The following SH2D5 variants were observed in gnomAD, a reference collection of about 807,000 sequenced individuals.
The protein encoded by SH2D5 is SH2 domain-containing protein 5.
SH2D5 carries 45 observed loss-of-function variants against 48.2 expected under a neutral mutation model. The observed-to-expected ratio is 0.93, with a 90% CI of 0.73 to 1.20. SH2D5 has a LOEUF of 1.20. Among genes scored for constraint, SH2D5 ranks in the 50% most tolerant of loss-of-function variants. SH2D5 has a pLI of 0.00. For synonymous variants in SH2D5, 230 were observed against 249.8 expected, an observed-to-expected ratio of 0.92 and a Z score of 0.75; for missense variants, 538 against 584.1, an observed-to-expected ratio of 0.92 and a Z score of 0.81.
rs757469465 is a variant in SH2D5, at chr1:20,726,072, G to A, written c.244-6C>T. The A allele has an allele frequency of 5.9e-5, 94 of 1,591,092 alleles. No individual in the cohort carries two copies. The Admixed American group carries it at 9.0e-4, about 15-fold the overall frequency. ...GCATGAGCCATCAGCAGCACCTGGC[G>A]AGGCAGCAGTGTGAGGCCCCCATCA... On this transcript the variant is annotated splice_region_variant and splice_polypyrimidine_tract_variant and intron_variant, in intron 4 of 9. Transcript: ENST00000444387.
At chr1:20,726,368 C>A (rs913527945) in intron 4 of SH2D5, among the ~76,000 whole-genome samples, 24 of 152,260 alleles carry the variant, frequency 1.6e-4, no homozygotes, top group Admixed American at 1.6e-3. Context: ...CAGGTGAGGG[C>A]AGTCCTCTGA....
chr1:20,723,995 G>A (rs946889436), intron 7 of SH2D5, 88 bp downstream of exon 7: 31 of 1,507,346 alleles, frequency 2.1e-5, no homozygotes, highest in African/African-American at 4.1e-5. Flanking sequence ...TTGCAGGAAC[G>A]GGCACTCACG....
In SH2D5 at chr1:20,729,633, G is replaced by C. The variant is rs2154538703; in HGVS notation, c.-42-1547C>G. Among the ~76,000 whole-genome samples the C allele has an allele frequency of 6.6e-6, 1 of 152,262 alleles. No individual in the cohort carries two copies. Among genetic ancestry groups the C allele is most frequent in the East Asian group, 1.9e-4 (1 of 5,184 alleles). On this transcript the variant is annotated intron_variant, in intron 1 of 9. Transcript: ENST00000444387. This position sits in a 1 kb window ranked among gnomAD's most constrained non-coding sequence, Gnocchi z 4.2. ...CACCGACAGGCGCCCACAGAGAGCA[G>C]GTATCCAACAGAGCCCTGGGCAGCA...
chr1:20,728,047 C>A lies in SH2D5; in HGVS notation c.-3G>T. ...CCCCCAGCCCCCGCCTTCTGCATGG[C>A]CCCCAGGGTGCCTGGCTTCCAGCTC... On this transcript the variant is annotated 5_prime_UTR_variant, in exon 2 of 10. Coordinates refer to ENST00000444387, the MANE Select transcript of SH2D5 (RefSeq NM_001103161.2). This position sits in a 1 kb window ranked among gnomAD's most constrained non-coding sequence, Gnocchi z 4.3. 6 of 1,537,938 alleles carry A rather than the reference C, an allele frequency of 3.9e-6. No individual in the cohort carries two copies. Among genetic ancestry groups the A allele is most frequent in the Non-Finnish European group, 5.3e-6 (6 of 1,140,064 alleles).
intron 7 of SH2D5, 150 bp downstream of exon 7, chr1:20,723,933 G>A: frequency 1.8e-6 from 2 of 1,107,038 alleles, no homozygotes; most frequent in Non-Finnish European, 2.6e-6. Flanking sequence ...AGACACGGAT[G>A]CAGGCAAACA....
At position 20,729,418 on chromosome 1, in the gene SH2D5, G is replaced by A. The variant is rs1364408573; in HGVS notation, c.-42-1332C>T. The stretch of plus-strand genomic sequence containing the variant: ...TTTGGACCAGCTGCCTCAACCCTCT[G>A]AGCCTCCCCTTCCTCATCTGCAAAC... On this transcript the variant is annotated intron_variant, in intron 1 of 9. Transcript: ENST00000444387. This position sits in a 1 kb window ranked among gnomAD's most constrained non-coding sequence, Gnocchi z 4.2. Among the ~76,000 whole-genome samples, 2 of 152,132 alleles carry A rather than the reference G, an allele frequency of 1.3e-5. No individual in the cohort carries two copies. Among genetic ancestry groups the A allele is most frequent in the Non-Finnish European group, 2.9e-5 (2 of 68,030 alleles).
intron 7 of SH2D5, 107 bp from the exon 8 acceptor site, chr1:20,723,841 C>G: frequency 9.5e-7 from 1 of 1,053,118 alleles, no homozygotes; most frequent in Non-Finnish European, 1.4e-6. Context: ...CCTCTCTACC[C>G]TGCTCAGCAG....
At chr1:20,723,234 C>G (rs2054724158) in intron 8 of SH2D5, among the ~76,000 whole-genome samples, 1 of 152,228 alleles carries the variant, frequency 6.6e-6, no homozygotes, top group Non-Finnish European at 1.5e-5. Flanking sequence ...TGGGGTCTGA[C>G]TCAGAGTCTG....
intron 4 of SH2D5, among the ~76,000 whole-genome samples, 189 bp downstream of exon 4, chr1:20,726,812 A>T (rs2054810039): frequency 2.0e-5 from 3 of 151,986 alleles, no homozygotes. Flanking sequence ...GGCCTGAGCC[A>T]GCCCTGGGAG....
At position 20,721,985 on chromosome 1, in the gene SH2D5, G is replaced by A. The variant is rs769830510; in HGVS notation, c.1079C>T (p.Ala360Val). ...CAGAGCCTCCAGGCTGGGGAACTCTGCCGGCAGGTGCTAGGGGAGGAAGGG... is the reference window on the plus strand; with the variant it reads ...CAGAGCCTCCAGGCTGGGGAACTCTACCGGCAGGTGCTAGGGGAGGAAGGG... Reference protein sequence around the residue: ...LGRYCLEHLPAEFPSLEALVE... With the variant: ...LGRYCLEHLPVEFPSLEALVE... The change falls in exon 10 of 10, where the codon GCA becomes GTA. Residue 360 changes from alanine (A) to valine (V), a missense_variant. Coordinates refer to ENST00000444387, the MANE Select transcript of SH2D5 (RefSeq NM_001103161.2). 17 of 1,612,542 alleles carry A rather than the reference G, an allele frequency of 1.1e-5. No individual in the cohort carries two copies. The highest frequency in any genetic ancestry group is 1.4e-5 in the Non-Finnish European group (17 of 1,179,816).
rs890908297 is a variant in SH2D5, at chr1:20,729,270, C to T, written c.-42-1184G>A. 6.6e-6 allele frequency among the ~76,000 whole-genome samples: 1 copy of T among 152,208 alleles called. No homozygotes were observed. The highest frequency in any genetic ancestry group is 1.5e-5 in the Non-Finnish European group (1 of 68,038). ...GAGGTCCCCCAGGACTCAGCTCCCT[C>T]GGTCTCTCCTGGGACCAGTGAGAAA... is the stretch of plus-strand genomic sequence containing the variant. On this transcript the variant is annotated intron_variant, in intron 1 of 9. Coordinates refer to ENST00000444387, the MANE Select transcript of SH2D5 (RefSeq NM_001103161.2). This position sits in a 1 kb window ranked among gnomAD's most constrained non-coding sequence, Gnocchi z 4.2.
chr1:20,723,861 C>A, intron 7 of SH2D5, 127 bp from the exon 8 acceptor site: 1 of 976,916 alleles, frequency 1.0e-6, no homozygotes, highest in African/African-American at 1.6e-5. Context: ...GACATATCTG[C>A]ACACGGGCCT....
At chr1:20,727,188 A>G in intron 3 of SH2D5, 113 bp from the exon 4 acceptor site, 1 of 891,004 alleles carries the variant, frequency 1.1e-6, no homozygotes, top group Non-Finnish European at 1.7e-6. Context: ...CACCCCTGGC[A>G]GGGGGTGGGG....
rs768158317 is a variant in SH2D5, at chr1:20,721,972, G to C, written c.1092C>G (p.Ser364Arg). Reference protein sequence around the residue: ...CLEHLPAEFPSLEALVENHAV... With the variant: ...CLEHLPAEFPRLEALVENHAV... ...CGTGGTTCTCCACCAGAGCCTCCAGGCTGGGGAACTCTGCCGGCAGGTGCT... is the reference window on the plus strand; with the variant it reads ...CGTGGTTCTCCACCAGAGCCTCCAGCCTGGGGAACTCTGCCGGCAGGTGCT... Residue 364 changes from serine to arginine, a missense_variant, in exon 10 of 10, where the codon AGC becomes AGG. Coordinates refer to ENST00000444387, the MANE Select transcript of SH2D5 (RefSeq NM_001103161.2). The C allele has an allele frequency of 6.2e-7, 1 of 1,612,978 alleles. No individual in the cohort carries two copies. Among genetic ancestry groups the C allele is most frequent in the South Asian group, 1.1e-5 (1 of 91,072 alleles).
chr1:20,724,013 C>T (rs2054742162), intron 7 of SH2D5, 70 bp downstream of exon 7: 4 of 1,559,976 alleles, frequency 2.6e-6, no homozygotes, highest in Non-Finnish European at 3.5e-6. Context: ...ACGCCCACCT[C>T]TGGCTGGTCC....
Position 20,724,648 on chromosome 1 carries a change from G to C in SH2D5, c.391-13C>G, listed in dbSNP as rs1263591138. On this transcript the variant is annotated splice_polypyrimidine_tract_variant and intron_variant, in intron 5 of 9. Coordinates refer to ENST00000444387, the MANE Select transcript of SH2D5 (RefSeq NM_001103161.2). ...GCAGGATCTGGACCTGGGAGGGAGG[G>C]AGAGAGGTGGGCTCAGCTGGAGGAG... 2 of 1,539,314 alleles carry C rather than the reference G, an allele frequency of 1.3e-6. No homozygotes were observed. Among genetic ancestry groups the C allele is most frequent in the Non-Finnish European group, 1.7e-6 (2 of 1,145,040 alleles).
In SH2D5 at chr1:20,728,049, C is replaced by G; in HGVS notation, c.-5G>C. On this transcript the variant is annotated 5_prime_UTR_variant, in exon 2 of 10. Coordinates refer to ENST00000444387, the MANE Select transcript of SH2D5 (RefSeq NM_001103161.2). The surrounding 1 kb of genome is among the most constrained non-coding windows in gnomAD (Gnocchi z 4.3). ...CCCAGCCCCCGCCTTCTGCATGGCC[C>G]CCAGGGTGCCTGGCTTCCAGCTCCA... 2 of 1,537,634 alleles carry G rather than the reference C, an allele frequency of 1.3e-6. No individual in the cohort carries two copies. Among genetic ancestry groups the G allele is most frequent in the Middle Eastern group, 1.7e-4 (1 of 5,894 alleles).
At chr1:20,722,733 C>G in intron 9 of SH2D5, 23 bp downstream of exon 9, 1 of 1,434,138 alleles carries the variant, frequency 7.0e-7, no homozygotes, top group Non-Finnish European at 9.2e-7. Context: ...GGGCCCAGGC[C>G]CCTCTGGCTG....
At chr1:20,727,397 C>T in intron 3 of SH2D5, 126 bp downstream of exon 3, 1 of 971,106 alleles carries the variant, frequency 1.0e-6, no homozygotes, top group South Asian at 1.5e-5. Flanking sequence ...TCCTGACCAG[C>T]CCACCACAAA....
Sources: gnomAD v4.1 joint callset for allele counts (sites outside exome capture counted in the v4.1 genomes callset) on GRCh38, gnomAD v4.1.1 for gene constraint, Gnocchi (gnomAD v3.1) non-coding constraint, MANE v1.5 for transcripts, NCBI Gene and HGNC (gene_info 2026-07-23, HGNC 2026-07-21) for gene names.